The following NFU1 variants were observed in gnomAD, a reference collection of about 807,000 sequenced individuals.
NFU1 encodes NFU1 iron-sulfur cluster scaffold, also known as NFU1 iron-sulfur cluster scaffold homolog, mitochondrial.
NFU1 carries 30 observed loss-of-function variants against 32.2 expected under a neutral mutation model. The ratio of observed to expected loss-of-function variants is 0.93; its 90% CI spans 0.70 to 1.26. The LOEUF (loss-of-function observed/expected upper bound fraction) is 1.26, where lower values mean the gene tolerates loss of function less well. NFU1 is among the 50% of genes most tolerant of loss of function. NFU1 has a pLI of 0.00. For missense variants in NFU1, 306 were observed against 306.6 expected (o/e 1.00, Z 0.02); for synonymous variants, 112 against 104.6 (o/e 1.07, Z -0.43).
intron 7 of NFU1, 139 bp from the exon 8 acceptor site, chr2:69,396,429 A>T (rs1672334092): frequency 3.3e-6 from 2 of 605,806 alleles, no homozygotes; most frequent in South Asian, 4.3e-5. Context: ...ATCTATCAAC[A>T]GCCCCAAAGA....
chr2:69,397,529 A>G (rs1197356718), intron 7 of NFU1, among the ~76,000 whole-genome samples: 1 of 152,172 alleles, frequency 6.6e-6, no homozygotes, highest in East Asian at 1.9e-4. Context: ...TTGAATAAAA[A>G]TGTTCCTCAG....
intron 3 of NFU1, among the ~76,000 whole-genome samples, chr2:69,422,596 T>A (rs1484096689): frequency 7.4e-6 from 1 of 134,812 alleles, no homozygotes; most frequent in African/African-American, 3.1e-5. Context: ...ATTTACCATA[T>A]TTATCAATTT....
intron 7 of NFU1, chr2:69,399,471 T>C: frequency 2.4e-6 from 1 of 422,074 alleles, no homozygotes; most frequent in Admixed American, 2.8e-5. Flanking sequence ...AAACTATGAT[T>C]TCTTAATGGG....
Position 69,419,608 on chromosome 2 carries a change from C to T in NFU1, c.303-4G>A, listed in dbSNP as rs1001185238. ...TCCTTCAATCCTAAATAACTGCCTG[C>T]AAAAAAAGAAAAAATAAGAGATATT... On this transcript the variant is annotated splice_polypyrimidine_tract_variant and splice_region_variant and intron_variant, in intron 3 of 7. Transcript: ENST00000410022. 1.3e-6 allele frequency: 2 copies of T among 1,547,698 alleles called. No homozygotes were observed. The highest frequency in any genetic ancestry group is 2.3e-5 in the East Asian group (1 of 44,406).
At chr2:69,413,402 A>T (rs193158039) in intron 5 of NFU1, among the ~76,000 whole-genome samples, 2 of 151,984 alleles carry the variant, frequency 1.3e-5, no homozygotes, top group Non-Finnish European at 2.9e-5. Context: ...CTTAAAATAT[A>T]CGGCTAATGT....
At chr2:69,437,527 C>A (rs1017263981), upstream of NFU1, 10 of 1,394,738 alleles carry the variant, frequency 7.2e-6, no homozygotes, top group African/African-American at 1.1e-4. Context: ...CCCACCCTAC[C>A]GGCTGCGGGC....
intron 5 of NFU1, among the ~76,000 whole-genome samples, chr2:69,412,134 T>G (rs944087062): frequency 6.6e-6 from 1 of 151,932 alleles, no homozygotes; most frequent in Non-Finnish European, 1.5e-5. Flanking sequence ...CACTGCAACC[T>G]CTGCCTCCCA....
chr2:69,428,404 G>A (rs894584878), intron 2 of NFU1, among the ~76,000 whole-genome samples: 4 of 151,730 alleles, frequency 2.6e-5, no homozygotes, highest in South Asian at 2.1e-4. Flanking sequence ...TCCAGCCTGC[G>A]AGACATAGTG....
upstream of NFU1, among the ~76,000 whole-genome samples, chr2:69,439,245 G>C (rs529960287): frequency 7.6e-4 from 115 of 151,790 alleles, 1 homozygote; most frequent in South Asian, 6.2e-4. Flanking sequence ...CACAGCCTCT[G>C]TGCTACTGTG....
chr2:69,415,935 T>C (rs1673035300), intron 4 of NFU1, among the ~76,000 whole-genome samples: 1 of 152,022 alleles, frequency 6.6e-6, no homozygotes, highest in African/African-American at 2.4e-5. Context: ...AAGACTAGCC[T>C]GGGCAACATA....
Position 69,415,190 on chromosome 2 carries a change from T to C in NFU1, c.479A>G (p.Glu160Gly), listed in dbSNP as rs758074085. Residue 160 changes from glutamate to glycine, a missense_variant, in exon 5 of 8, where the codon GAA (glutamate) becomes GGA (glycine). By Grantham distance (98) the Glu-to-Gly change is moderately conservative. Coordinates refer to ENST00000410022, the MANE Select transcript of NFU1 (RefSeq NM_001002755.4). ...TACTCAATACAACATGTTACCTGCTTCTCCTGAAGGTGTTTCCTCAGTAAC... is the reference window on the plus strand; with the variant it reads ...TACTCAATACAACATGTTACCTGCTCCTCCTGAAGGTGTTTCCTCAGTAAC... ...PLVTEETPSG[E>G]AGSEEDDEVV... is the part of the protein sequence containing the mutation. The C allele has an allele frequency of 1.9e-6, 3 of 1,577,452 alleles. No individual in the cohort carries two copies. Among genetic ancestry groups the C allele is most frequent in the Non-Finnish European group, 2.6e-6 (3 of 1,146,774 alleles).
intron 3 of NFU1, 85 bp downstream of exon 3, chr2:69,423,492 AAATGC>A: frequency 8.3e-7 from 1 of 1,202,630 alleles, no homozygotes; most frequent in South Asian, 1.3e-5. Context: ...GTGCACATAG[AAATGC>A]AATAGTTAAA....
intron 4 of NFU1, among the ~76,000 whole-genome samples, chr2:69,418,630 C>A (rs1673138660): frequency 1.3e-5 from 2 of 151,984 alleles, no homozygotes; most frequent in Admixed American, 1.3e-4. Context: ...CCATGCCCGG[C>A]TACTTTTTTT....
At chr2:69,426,584 C>T (rs1257556313) in intron 2 of NFU1, among the ~76,000 whole-genome samples, 1 of 152,092 alleles carries the variant, frequency 6.6e-6, no homozygotes, top group Non-Finnish European at 1.5e-5. Flanking sequence ...CTGTGCCCGC[C>T]AACTCTTTTC....
upstream of NFU1, among the ~76,000 whole-genome samples, chr2:69,437,868 C>T (rs1414451649): frequency 6.6e-6 from 1 of 152,204 alleles, no homozygotes. Flanking sequence ...TCGCATTTCT[C>T]CTGCCCTTTT....
chr2:69,419,896 T>C (rs1426132924), intron 3 of NFU1, among the ~76,000 whole-genome samples: 2 of 152,196 alleles, frequency 1.3e-5, no homozygotes, highest in African/African-American at 4.8e-5. Context: ...GAAATGTCCA[T>C]CACCTGGTGA....
upstream of NFU1, among the ~76,000 whole-genome samples, chr2:69,438,115 G>C (rs899078662): frequency 1.3e-5 from 2 of 152,124 alleles, no homozygotes; most frequent in African/African-American, 4.8e-5. Flanking sequence ...CTCAAAGTGC[G>C]GACTAGGGGC....
chr2:69,408,027 A>T (rs903686268), intron 5 of NFU1, among the ~76,000 whole-genome samples: 1 of 151,456 alleles, frequency 6.6e-6, no homozygotes, highest in Non-Finnish European at 1.5e-5. Flanking sequence ...AAAAAAAAAA[A>T]ATAGATAATT....
At chr2:69,424,198 A>AAATATATAT (rs1558840147) in intron 2 of NFU1, among the ~76,000 whole-genome samples, 3 of 74,540 alleles carry the variant, frequency 4.0e-5, no homozygotes, top group African/African-American at 1.1e-4. Context: ...AAAAAAAAAA[A>AAATATATAT]ATATATATAT....
Sources: allele counts gnomAD v4.1 joint callset (sites outside exome capture counted in the v4.1 genomes callset), GRCh38; gene constraint gnomAD v4.1.1; transcripts MANE v1.5; gene names NCBI Gene and HGNC (gene_info 2026-07-23, HGNC 2026-07-21).